CCNG1: variants seen among roughly 807,000 people sequenced by gnomAD.
The protein encoded by CCNG1 is cyclin-G1.
A neutral mutation model predicts 30.0 loss-of-function variants in CCNG1; 13 were observed. The ratio of observed to expected loss-of-function variants is 0.43; its 90% CI spans 0.28 to 0.69. The LOEUF (loss-of-function observed/expected upper bound fraction) is 0.69, where lower values mean the gene tolerates loss of function less well. CCNG1 is among the 30% of genes least tolerant of loss of function. CCNG1 has a pLI of 0.16. For synonymous variants in CCNG1, 110 were observed against 121.5 expected (o/e 0.91, Z 0.62); for missense variants, 285 against 331.4 (o/e 0.86, Z 1.09).
chr5:163,457,180 G>A, the CCNG1 span: 1 of 1,226,708 alleles, frequency 8.2e-7, no homozygotes, highest in South Asian at 1.7e-5. Context: ...CACCCAGGCT[G>A]GAGTGCAGCG....
chr5:163,448,744 T>C (rs1272051203), downstream of CCNG1: 1 of 152,130 alleles, frequency 6.6e-6, no homozygotes, highest in Non-Finnish European at 1.5e-5. Context: ...AATAAAAATC[T>C]AGATACATAA....
At position 163,439,500 on chromosome 5, in the gene CCNG1, A is replaced by G; in HGVS notation, c.244A>G (p.Arg82Gly). 1 of 1,613,414 alleles carries G rather than the reference A, an allele frequency of 6.2e-7. No homozygotes were observed. Among genetic ancestry groups the G allele is most frequent in the Non-Finnish European group, 8.5e-7 (1 of 1,179,508 alleles). The change falls in exon 2 of 7, where the codon AGA (arginine) becomes GGA (glycine). Residue 82 changes from arginine to glycine, a missense_variant. Coordinates refer to ENST00000340828, the MANE Select transcript of CCNG1 (RefSeq NM_004060.4). Reference sequence around the variant, plus strand: ...TTCTCTAGCTGTGAATTTACTGGACAGATTCCTGTCTAAAATGAAGGTATG... The same window carrying G: ...TTCTCTAGCTGTGAATTTACTGGACGGATTCCTGTCTAAAATGAAGGTATG... ...TFSLAVNLLD[R>G]FLSKMKVQPK... is the part of the protein sequence containing the mutation.
chr5:163,445,109 A>G (rs1454568489), downstream of CCNG1: 5 of 152,226 alleles, frequency 3.3e-5, no homozygotes, highest in Non-Finnish European at 5.9e-5. Context: ...TCTACTCAGT[A>G]TATTTAAATT....
chr5:163,452,114 C>T, the CCNG1 span: 2 of 150,462 alleles, frequency 1.3e-5, no homozygotes, highest in Non-Finnish European at 3.0e-5. Context: ...GTACTGAAAA[C>T]GGTTATAAAT....
rs2069351 is a variant in CCNG1, at chr5:163,441,445, G to A, written c.518+114G>A. On this transcript the variant is annotated intron_variant, in intron 3 of 6. Transcript: ENST00000340828. Reference sequence around the variant, plus strand: ...TCTAATAAAAATAAGTAAAATGACAGCTGTGGCTCCTTGAACTTTAATGTC... The same window carrying A: ...TCTAATAAAAATAAGTAAAATGACAACTGTGGCTCCTTGAACTTTAATGTC... The A allele has an allele frequency of 6.9e-4, 685 of 995,858 alleles. 3 individuals carry two copies. The African/African-American group carries it at 0.01, about 15-fold the overall frequency. The allele number at this position is 995,858 out of a possible 1,614,324, so 61.7% of individuals were successfully genotyped here. A position where few individuals can be genotyped will look rare whatever the true frequency, so the allele number is the denominator to read the frequency against.
the CCNG1 span, chr5:163,454,131 G>T: frequency 3.1e-6 from 2 of 640,540 alleles, no homozygotes; most frequent in Non-Finnish European, 5.1e-6. Context: ...GATAAAAAAG[G>T]ATATATAAAT....
chr5:163,439,736 C>A, intron 2 of CCNG1: 1 of 436,852 alleles, frequency 2.3e-6, no homozygotes, highest in Non-Finnish European at 4.0e-6. Context: ...AGTCTAATAT[C>A]AAGTAACAAA....
the CCNG1 span, among the ~76,000 whole-genome samples, chr5:163,454,207 G>A: frequency 1.3e-5 from 2 of 152,084 alleles, no homozygotes; most frequent in African/African-American, 4.8e-5. Context: ...TTAAAATTAT[G>A]AGGCATTTTT....
At position 163,439,538 on chromosome 5, in the gene CCNG1, T is replaced by C; in HGVS notation, c.264+18T>C. ...AAATGAAGGTATGTTTGAAGCTACA[T>C]TTTTGTAATTTTGCTCAGTGTGTTT... On this transcript the variant is annotated intron_variant, in intron 2 of 6. Coordinates refer to ENST00000340828, the MANE Select transcript of CCNG1 (RefSeq NM_004060.4). 2 of 1,599,340 alleles carry C rather than the reference T, an allele frequency of 1.3e-6. No homozygotes were observed. The highest frequency in any genetic ancestry group is 1.7e-6 in the Non-Finnish European group (2 of 1,171,146).
chr5:163,437,582 G>A (rs1289142824), upstream of CCNG1: 2 of 152,106 alleles, frequency 1.3e-5, no homozygotes, highest in East Asian at 1.9e-4. Flanking sequence ...TTCCTCGTTA[G>A]GGCAGGCGCG....
At chr5:163,447,728 TAA>T (rs1243765540), downstream of CCNG1, 1 of 151,992 alleles carries the variant, frequency 6.6e-6, no homozygotes, top group Non-Finnish European at 1.5e-5. Flanking sequence ...TTAACAAATT[TAA>T]AAGAGATGAA....
chr5:163,454,546 G>A, the CCNG1 span, among the ~76,000 whole-genome samples: 1 of 152,116 alleles, frequency 6.6e-6, no homozygotes, highest in East Asian at 1.9e-4. Context: ...TCTCCATGTT[G>A]GTCAGGCTTG....
the CCNG1 span, among the ~76,000 whole-genome samples, chr5:163,454,350 ATT>A: frequency 6.6e-6 from 1 of 151,822 alleles, no homozygotes; most frequent in South Asian, 2.1e-4. Context: ...ATTTATTATT[ATT>A]TTTTTTGAGA....
chr5:163,453,906 T>C, the CCNG1 span: 1 of 858,230 alleles, frequency 1.2e-6, no homozygotes. Flanking sequence ...TTACATAATC[T>C]GTTTATCTGA....
Position 163,443,925 on chromosome 5 carries a change from G to T in CCNG1, c.*255G>T. ...GAAATGCTAATGACAAGCCTGAGAA[G>T]GTAAACTGTGAATCTTCATTTCTAT... On this transcript the variant is annotated 3_prime_UTR_variant, in exon 7 of 7. Transcript: ENST00000340828. The T allele has an allele frequency of 2.1e-6, 1 of 479,634 alleles. No individual in the cohort carries two copies. Among genetic ancestry groups the T allele is most frequent in the Non-Finnish European group, 3.7e-6 (1 of 272,074 alleles). 29.7% of individuals were successfully genotyped at this position (479,634 alleles called of 1,614,324 possible).
chr5:163,451,148 A>G (rs998173190), downstream of CCNG1: 3 of 152,220 alleles, frequency 2.0e-5, no homozygotes, highest in African/African-American at 4.8e-5. Flanking sequence ...GATAAAAGCT[A>G]AACTATACAA....
At chr5:163,451,304 A>C in the CCNG1 span, 2 of 152,308 alleles carry the variant, frequency 1.3e-5, no homozygotes, top group South Asian at 4.1e-4. Context: ...TCTTAATTAT[A>C]TATGATCCCA....
rs866178200 is a variant in CCNG1 at position 163,442,570 on chromosome 5, T to C, written c.*3+2T>C. 1.9e-6 allele frequency: 3 copies of C among 1,591,146 alleles called. No homozygotes were observed. In the Middle Eastern group the frequency reaches 5.0e-4, roughly 267 times the overall value. Reference sequence around the variant, plus strand: ...ATTCCTGAAATGGTCCCTTAACTGGTAAATTTGGTCCGTTATTATTCTCCA... The same window carrying C: ...ATTCCTGAAATGGTCCCTTAACTGGCAAATTTGGTCCGTTATTATTCTCCA... On this transcript the variant is annotated splice_donor_variant, in intron 6 of 6. Coordinates refer to ENST00000340828, the MANE Select transcript of CCNG1 (RefSeq NM_004060.4). LOFTEE classifies it low-confidence loss of function (3UTR_SPLICE).
Position 163,439,189 on chromosome 5 carries a change from A to G in CCNG1, c.1-68A>G, listed in dbSNP as rs531008144. 4.4e-5 allele frequency: 62 copies of G among 1,420,906 alleles called. No homozygotes were observed. The African/African-American group carries it at 8.0e-4, about 18-fold the overall frequency. 88.0% of individuals were successfully genotyped at this position (1,420,906 alleles called of 1,614,324 possible). ...TATAAATCATTTCTTGGCCCAGTGC[A>G]AAGATGGCCAAGGAAAGCAGGAAGG... is the stretch of plus-strand genomic sequence containing the variant. On this transcript the variant is annotated intron_variant, in intron 1 of 6. Coordinates refer to ENST00000340828, the MANE Select transcript of CCNG1 (RefSeq NM_004060.4).
Sources: gnomAD v4.1 joint callset for allele counts (sites outside exome capture counted in the v4.1 genomes callset) on GRCh38, gnomAD v4.1.1 for gene constraint, MANE v1.5 for transcripts, NCBI Gene and HGNC (gene_info 2026-07-23, HGNC 2026-07-21) for gene names.